Variants in SLC10A7 observed in about 807,000 individuals in gnomAD.
The protein encoded by SLC10A7 is solute carrier family 10 member 7.
A neutral mutation model predicts 43.2 loss-of-function variants in SLC10A7; 29 were observed. The ratio of observed to expected loss-of-function variants is 0.67; its 90% CI spans 0.50 to 0.92. The LOEUF is 0.92. SLC10A7 is among the 40% of genes least tolerant of loss of function. SLC10A7 has a pLI of 0.00. For synonymous variants in SLC10A7, 152 were observed against 144.8 expected, an observed-to-expected ratio of 1.05 and a Z score of -0.35; for missense variants, 295 against 403.2, an observed-to-expected ratio of 0.73 and a Z score of 2.30.
At chr4:146,334,691 C>T (rs1010816913) in intron 5 of SLC10A7, among the ~76,000 whole-genome samples, 3 of 152,010 alleles carry the variant, frequency 2.0e-5, no homozygotes, top group African/African-American at 7.2e-5. Flanking sequence ...GGAAGGAGCC[C>T]TAGCACAGCT....
chr4:146,433,025 A>G (rs977133593), intron 5 of SLC10A7, among the ~76,000 whole-genome samples: 1 of 150,704 alleles, frequency 6.6e-6, no homozygotes, highest in African/African-American at 2.4e-5. Context: ...GTGACAGAGC[A>G]AGACTCTGTC....
chr4:146,263,781 A>C (rs1388229587), intron 10 of SLC10A7, among the ~76,000 whole-genome samples: 1 of 152,240 alleles, frequency 6.6e-6, no homozygotes, highest in Non-Finnish European at 1.5e-5. Flanking sequence ...TAATCAAAAA[A>C]TGCCTCTTTA....
At chr4:146,469,087 A>G (rs1733329663) in intron 4 of SLC10A7, among the ~76,000 whole-genome samples, 1 of 152,120 alleles carries the variant, frequency 6.6e-6, no homozygotes, top group South Asian at 2.1e-4. Flanking sequence ...CCAGAAGGAG[A>G]GCACAGTCAC....
chr4:146,367,191 T>C (rs187175521), intron 5 of SLC10A7, among the ~76,000 whole-genome samples: 1 of 152,258 alleles, frequency 6.6e-6, no homozygotes, highest in East Asian at 1.9e-4. Context: ...GTCTCTGCTT[T>C]CAAGTAGTAT....
chr4:146,386,433 T>C (rs1738002161), intron 5 of SLC10A7, among the ~76,000 whole-genome samples: 1 of 152,188 alleles, frequency 6.6e-6, no homozygotes, highest in Non-Finnish European at 1.5e-5. Context: ...ACTCACCAAT[T>C]ACCAGTCATT....
intron 5 of SLC10A7, among the ~76,000 whole-genome samples, chr4:146,338,844 G>A (rs1349674487): frequency 1.3e-5 from 2 of 151,886 alleles, no homozygotes; most frequent in Non-Finnish European, 2.9e-5. Flanking sequence ...AAAACACATA[G>A]ATGATAAAAT....
intron 5 of SLC10A7, among the ~76,000 whole-genome samples, chr4:146,432,149 G>A (rs967374221): frequency 1.8e-4 from 28 of 152,188 alleles, no homozygotes; most frequent in African/African-American, 6.8e-4. Context: ...GGATGGCAAG[G>A]TTGTGGAGTA....
chr4:146,259,944 C>T (rs1031652545), intron 10 of SLC10A7, among the ~76,000 whole-genome samples: 10 of 152,200 alleles, frequency 6.6e-5, no homozygotes, highest in Admixed American at 5.2e-4. Context: ...AATGATGGCA[C>T]ATAAATAACT....
chr4:146,341,375 C>G (rs543940854), intron 5 of SLC10A7, among the ~76,000 whole-genome samples: 45 of 151,654 alleles, frequency 3.0e-4, no homozygotes, highest in African/African-American at 8.7e-4. Context: ...CCAAACCCCC[C>G]CAAAACCAAA....
chr4:146,354,396 A>C (rs555166221), intron 5 of SLC10A7, among the ~76,000 whole-genome samples: 24 of 152,282 alleles, frequency 1.6e-4, no homozygotes, highest in African/African-American at 5.8e-4. Context: ...AGAGGACACA[A>C]ACAAATGGAA....
intron 4 of SLC10A7, among the ~76,000 whole-genome samples, chr4:146,477,313 A>G (rs962385005): frequency 6.6e-6 from 1 of 152,270 alleles, no homozygotes; most frequent in African/African-American, 2.4e-5. Flanking sequence ...AAGCAAGAAT[A>G]AGGCTTTTAC....
At chr4:146,316,787 C>T (rs1306594672) in intron 6 of SLC10A7, among the ~76,000 whole-genome samples, 1 of 152,032 alleles carries the variant, frequency 6.6e-6, no homozygotes, top group Non-Finnish European at 1.5e-5. Flanking sequence ...TCTTAGGACT[C>T]AGCCCGTGAT....
intron 10 of SLC10A7, among the ~76,000 whole-genome samples, chr4:146,260,955 T>G (rs752610218): frequency 1.1e-4 from 16 of 152,258 alleles, no homozygotes; most frequent in Non-Finnish European, 2.1e-4. Flanking sequence ...GCTACCCCAA[T>G]AGTGGCAAGG....
intron 5 of SLC10A7, among the ~76,000 whole-genome samples, chr4:146,395,564 T>A (rs183491892): frequency 6.6e-6 from 1 of 152,212 alleles, no homozygotes; most frequent in Admixed American, 6.5e-5. Flanking sequence ...ACCTAATAGA[T>A]AGAACAATTT....
chr4:146,450,026 T>C (rs1205009035), intron 4 of SLC10A7, among the ~76,000 whole-genome samples: 1 of 152,068 alleles, frequency 6.6e-6, no homozygotes, highest in Non-Finnish European at 1.5e-5. Flanking sequence ...AGGTATATAA[T>C]CCTTACATTC....
chr4:146,409,943 A>T (rs1356888282), intron 5 of SLC10A7, among the ~76,000 whole-genome samples: 1 of 152,224 alleles, frequency 6.6e-6, no homozygotes, highest in Non-Finnish European at 1.5e-5. Context: ...AACATTTCAT[A>T]GCATAATTGT....
At chr4:146,290,053 G>A (rs964203436) in intron 9 of SLC10A7, among the ~76,000 whole-genome samples, 5 of 149,614 alleles carry the variant, frequency 3.3e-5, no homozygotes, top group East Asian at 2.0e-4. Context: ...GGCTGGGCGT[G>A]GTGGCTCACG....
chr4:146,280,907 G>GT (rs2111105701), intron 10 of SLC10A7, among the ~76,000 whole-genome samples: 1 of 152,246 alleles, frequency 6.6e-6, no homozygotes, highest in South Asian at 2.1e-4. Flanking sequence ...GCCCAGGAAA[G>GT]TATCAGTGGA....
chr4:146,483,023 T>A (rs892581521), intron 4 of SLC10A7, among the ~76,000 whole-genome samples: 1 of 152,118 alleles, frequency 6.6e-6, no homozygotes, highest in Non-Finnish European at 1.5e-5. Flanking sequence ...GGAGAAAATT[T>A]TTCATAGACA....
Sources: allele counts gnomAD v4.1 joint callset (sites outside exome capture counted in the v4.1 genomes callset), GRCh38; gene constraint gnomAD v4.1.1; transcripts MANE v1.5; gene names NCBI Gene and HGNC (gene_info 2026-07-23, HGNC 2026-07-21).